The following PKP1 variants were observed in gnomAD, a reference collection of about 807,000 sequenced individuals.
PKP1 encodes the protein plakophilin 1.
A neutral mutation model predicts 76.4 loss-of-function variants in PKP1; 27 were observed. That is an observed-to-expected ratio of 0.35 (90% CI 0.26 to 0.49). PKP1 has a LOEUF of 0.49. Among genes scored for constraint, PKP1 ranks in the 20% least tolerant of loss-of-function variants. The probability of loss-of-function intolerance (pLI) is 0.99; values close to 1 mark genes in which losing one functional copy is unlikely to be tolerated. For missense variants in PKP1, 964 were observed against 955.2 expected, an observed-to-expected ratio of 1.01 and a Z score of -0.12; for synonymous variants, 404 against 384.2, an observed-to-expected ratio of 1.05 and a Z score of -0.60.
At chr1:201,314,395 G>T (rs1037342132) in intron 3 of PKP1, among the ~76,000 whole-genome samples, 1 of 152,208 alleles carries the variant, frequency 6.6e-6, no homozygotes, top group African/African-American at 2.4e-5. Context: ...CCGGGAGGGG[G>T]AGGTTGCAGT....
At chr1:201,325,618 C>G in intron 11 of PKP1, 136 bp from the exon 12 acceptor site, 1 of 728,698 alleles carries the variant, frequency 1.4e-6, no homozygotes, top group Non-Finnish European at 2.5e-6. Context: ...TGGGGCTCCT[C>G]TCTTTTGCAC....
chr1:201,323,997 G>A (rs951147350), intron 9 of PKP1, among the ~76,000 whole-genome samples: 1 of 152,186 alleles, frequency 6.6e-6, no homozygotes, highest in African/African-American at 2.4e-5. Flanking sequence ...GGATTCTAAA[G>A]AGGTAGGAAA....
At chr1:201,284,056 C>T in intron 1 of PKP1, 152 bp downstream of exon 1, 1 of 770,578 alleles carries the variant, frequency 1.3e-6, no homozygotes, top group South Asian at 1.5e-5. Context: ...TGCGAGCAGC[C>T]GAGCTCCCAG....
intron 1 of PKP1, among the ~76,000 whole-genome samples, chr1:201,293,029 G>T (rs1311533888): frequency 6.6e-6 from 1 of 152,224 alleles, no homozygotes; most frequent in Non-Finnish European, 1.5e-5. Flanking sequence ...GGCTTCAAAA[G>T]ATGAGCAAGA....
At chr1:201,318,927 C>T (rs1656854505) in intron 6 of PKP1, 132 bp downstream of exon 6, 3 of 798,954 alleles carry the variant, frequency 3.8e-6, no homozygotes, top group Non-Finnish European at 6.4e-6. Flanking sequence ...TATGGGCAGG[C>T]TCCAAGACAC....
intron 1 of PKP1, among the ~76,000 whole-genome samples, chr1:201,285,318 C>G (rs1486219696): frequency 6.6e-6 from 1 of 151,818 alleles, no homozygotes; most frequent in South Asian, 2.1e-4. Flanking sequence ...TCCCTAGCCC[C>G]CATTCCTGAG....
chr1:201,325,936 C>A, intron 12 of PKP1, 98 bp downstream of exon 12: 1 of 853,092 alleles, frequency 1.2e-6, no homozygotes, highest in Non-Finnish European at 2.0e-6. Context: ...TAGAGAAACG[C>A]CCCTGCCCTT....
Position 201,313,327 on chromosome 1 carries a change from GC to G in PKP1, c.471del (p.Asp158ThrfsTer39). The G allele has an allele frequency of 6.3e-7, 1 of 1,592,820 alleles. No homozygotes were observed. ...AGAAAATCAAGGCGAGCCGCAGTGA[GC>G]CCGACCTCTACTGTGACCCACGGGG... is the stretch of plus-strand genomic sequence containing the variant. Reference protein sequence around the residue: ...MQKIKASRSEPDLYCDPRGTL... With the variant: ...MQKIKASRSEXDLYCDPRGTL... On this transcript the variant is annotated frameshift_variant, in exon 3 of 14. Coordinates refer to ENST00000367324, the MANE Select transcript of PKP1 (RefSeq NM_001005337.3). LOFTEE classifies it high-confidence loss of function.
At chr1:201,320,009 G>T in intron 6 of PKP1, 1 of 1,006,356 alleles carries the variant, frequency 9.9e-7, no homozygotes. Context: ...CTCAGCCAGG[G>T]CCAGGCGGAA....
rs749292645 is a variant in PKP1 at position 201,283,803 on chromosome 1, G to A, written c.101G>A (p.Gly34Asp). Residue 34 changes from glycine (G) to aspartate (D), a missense_variant, in exon 1 of 14, where the codon GGC becomes GAC. Transcript: ENST00000367324. ...ALPSDQKMKT[G>D]TSGRQRVQEQ... ...CCGTCGGACCAAAAGATGAAAACAG[G>A]CACGTCTGGCAGGCAGCGCGTGCAG... 1.2e-6 allele frequency: 2 copies of A among 1,614,048 alleles called. No individual in the cohort carries two copies. The highest frequency in any genetic ancestry group is 3.3e-5 in the Admixed American group (2 of 60,016).
chr1:201,319,788 A>G (rs762979387), intron 6 of PKP1: 15 of 1,613,124 alleles, frequency 9.3e-6, no homozygotes, highest in Non-Finnish European at 1.3e-5. Flanking sequence ...CTGATCCAGC[A>G]TCAACAGGGC....
At chr1:201,320,045 C>A in intron 6 of PKP1, 1 of 754,270 alleles carries the variant, frequency 1.3e-6, no homozygotes, top group South Asian at 1.5e-5. Flanking sequence ...CTCTTTCCTT[C>A]CGTTTTCATC....
chr1:201,292,769 T>C (rs1307043372), intron 1 of PKP1, among the ~76,000 whole-genome samples: 1 of 152,182 alleles, frequency 6.6e-6, no homozygotes, highest in East Asian at 1.9e-4. Context: ...CATATCCCTC[T>C]TAGGAGGCTC....
At position 201,317,570 on chromosome 1, in the gene PKP1, A is replaced by T; in HGVS notation, c.847-2A>T. 6.2e-7 allele frequency: 1 copy of T among 1,613,388 alleles called. No homozygotes were observed. The highest frequency in any genetic ancestry group is 1.1e-5 in the South Asian group (1 of 91,048). ...GGCAGCGTGGCAACTCTTTCCTGGC[A>T]GGTCTATCAGCTGGGAGGCATCTGC... On this transcript the variant is annotated splice_acceptor_variant, in intron 4 of 13. Coordinates refer to ENST00000367324, the MANE Select transcript of PKP1 (RefSeq NM_001005337.3). LOFTEE classifies it high-confidence loss of function.
intron 2 of PKP1, among the ~76,000 whole-genome samples, chr1:201,296,956 A>G (rs1656096144): frequency 6.6e-6 from 1 of 152,208 alleles, no homozygotes; most frequent in Admixed American, 6.5e-5. Flanking sequence ...GTCACCTCCT[A>G]TACATATCTC....
intron 12 of PKP1, among the ~76,000 whole-genome samples, chr1:201,328,057 C>T (rs754105018): frequency 3.3e-5 from 5 of 152,190 alleles, no homozygotes; most frequent in South Asian, 2.1e-4. Context: ...TCCCACAGGT[C>T]GGTGATGGCT....
chr1:201,328,555 T>C, intron 12 of PKP1: 1 of 622,864 alleles, frequency 1.6e-6, no homozygotes, highest in Admixed American at 2.3e-5. Flanking sequence ...TCAGTGGAAG[T>C]TCAAACACAT....
intron 11 of PKP1, 140 bp from the exon 12 acceptor site, chr1:201,325,614 T>C (rs1231847422): frequency 1.4e-6 from 1 of 714,842 alleles, no homozygotes; most frequent in African/African-American, 1.8e-5. Flanking sequence ...CCAATGGGGC[T>C]CCTCTCTTTT....
chr1:201,303,709 T>A (rs1224836889), intron 2 of PKP1, among the ~76,000 whole-genome samples: 3 of 152,166 alleles, frequency 2.0e-5, no homozygotes, highest in Admixed American at 6.5e-5. Flanking sequence ...CCTGTGGTAA[T>A]CAAAATGGGA....
Sources: gnomAD v4.1 joint callset for allele counts (sites outside exome capture counted in the v4.1 genomes callset) on GRCh38, gnomAD v4.1.1 for gene constraint, MANE v1.5 for transcripts, NCBI Gene and HGNC (gene_info 2026-07-23, HGNC 2026-07-21) for gene names.